Variants in GAPVD1 observed in about 807,000 individuals in gnomAD.
GAPVD1 encodes the protein GTPase-activating protein and VPS9 domain-containing protein 1.
In GAPVD1, 35 loss-of-function variants were observed where a neutral mutation model predicts 155.5. The ratio of observed to expected loss-of-function variants is 0.23; its 90% CI spans 0.17 to 0.30. The LOEUF (loss-of-function observed/expected upper bound fraction) is 0.30. Ranked by LOEUF, GAPVD1 falls within the 10% of genes least tolerant of loss-of-function variation. The pLI, the probability that GAPVD1 is intolerant of heterozygous loss-of-function variation, is 1.00. For missense variants in GAPVD1, 1,429 were observed against 1,775.7 expected, an observed-to-expected ratio of 0.80 and a Z score of 3.51; for synonymous variants, 636 against 619.7, an observed-to-expected ratio of 1.03 and a Z score of -0.39.
At chr9:125,311,796 T>G (rs1330528207) in intron 8 of GAPVD1, among the ~76,000 whole-genome samples, 1 of 151,972 alleles carries the variant, frequency 6.6e-6, no homozygotes, top group East Asian at 1.9e-4. Context: ...CTTGGCCCAC[T>G]TCAGTCTCCG....
intron 2 of GAPVD1, among the ~76,000 whole-genome samples, chr9:125,291,051 C>T (rs1443113983): frequency 6.6e-6 from 1 of 150,942 alleles, no homozygotes; most frequent in African/African-American, 2.4e-5. Context: ...CTTTGGGAGG[C>T]CAAGGCAAGA....
chr9:125,344,707 C>T (rs780533358), intron 19 of GAPVD1, among the ~76,000 whole-genome samples: 1 of 151,154 alleles, frequency 6.6e-6, no homozygotes, highest in African/African-American at 2.4e-5. Flanking sequence ...TTTTGGGAGG[C>T]CAAAGTGAGA....
At chr9:125,320,784 C>G (rs978095428) in intron 9 of GAPVD1, among the ~76,000 whole-genome samples, 12 of 151,930 alleles carry the variant, frequency 7.9e-5, no homozygotes, top group African/African-American at 2.7e-4. Flanking sequence ...CACCACCAAG[C>G]CCGGCTAATT....
At chr9:125,295,330 A>T (rs1235617051) in intron 2 of GAPVD1, 128 bp from the exon 3 acceptor site, 1 of 151,468 alleles carries the variant, frequency 6.6e-6, no homozygotes, top group African/African-American at 2.4e-5. Context: ...TATTTAAGCT[A>T]TTCCTGGTGA....
At position 125,302,532 on chromosome 9, in the gene GAPVD1, A is replaced by G. The variant is rs1841066865; in HGVS notation, c.735A>G (p.Gln245=). 3 of 1,613,940 alleles carry G rather than the reference A, an allele frequency of 1.9e-6. No individual in the cohort carries two copies. The highest frequency in any genetic ancestry group is 2.5e-6 in the Non-Finnish European group (3 of 1,179,976). Residue 245 remains glutamine, a synonymous_variant, in exon 5 of 28, where the codon CAA becomes CAG. Coordinates refer to ENST00000297933, the MANE Select transcript of GAPVD1 (RefSeq NM_001282680.3). ...FGEKGSDRFR[Q]KVQEMVESNE... is the part of the protein sequence containing the mutation. ...AGAAGGGCTCAGATAGATTCAGGCA[A>G]AAAGTTCAAGAAATGGTGGAGTCCA...
chr9:125,342,158 G>C, intron 18 of GAPVD1, 61 bp from the exon 19 acceptor site: 1 of 805,422 alleles, frequency 1.2e-6, no homozygotes, highest in South Asian at 1.5e-5. Context: ...TGGCACACCA[G>C]TTAACTTCCG....
intron 19 of GAPVD1, among the ~76,000 whole-genome samples, chr9:125,344,389 C>T (rs1270435777): frequency 6.6e-6 from 1 of 152,132 alleles, no homozygotes; most frequent in Non-Finnish European, 1.5e-5. Context: ...TTTTTATTAG[C>T]TATAAAATAA....
At position 125,329,484 on chromosome 9, in the gene GAPVD1, C is replaced by T. The variant is rs948842220; in HGVS notation, c.2033-594C>T. On this transcript the variant is annotated intron_variant, in intron 12 of 27. Coordinates refer to ENST00000297933, the MANE Select transcript of GAPVD1 (RefSeq NM_001282680.3). Reference sequence around the variant, plus strand: ...CTTGACTTAATGATGTGTGTTTTCTCTATGGAGAGTCAAAGGTGAACTGGA... The same window carrying T: ...CTTGACTTAATGATGTGTGTTTTCTTTATGGAGAGTCAAAGGTGAACTGGA... Among the ~76,000 whole-genome samples the T allele has an allele frequency of 6.6e-5, 10 of 152,260 alleles. 1 individual carries two copies. In the East Asian group the frequency reaches 1.9e-3, roughly 29 times the overall value.
chr9:125,275,779 C>G (rs1032916378), intron 2 of GAPVD1, among the ~76,000 whole-genome samples: 6 of 152,010 alleles, frequency 3.9e-5, no homozygotes, highest in Non-Finnish European at 7.4e-5. Context: ...AAAAGACAAT[C>G]TTGTTTAACA....
At chr9:125,279,964 G>C (rs1422005796) in intron 2 of GAPVD1, among the ~76,000 whole-genome samples, 1 of 150,800 alleles carries the variant, frequency 6.6e-6, no homozygotes, top group East Asian at 2.0e-4. Flanking sequence ...GTTTCACCAT[G>C]TTGGCCAGGC....
Position 125,359,508 on chromosome 9 carries a change from A to G in GAPVD1, c.4044+16A>G. On this transcript the variant is annotated intron_variant, in intron 26 of 27. Transcript: ENST00000297933. ...GATACCAGAGGTAATACAGGTTTAT[A>G]TAGCATGGGTAATGTTAACTAAATG... The G allele has an allele frequency of 7.9e-7, 1 of 1,260,818 alleles. No individual in the cohort carries two copies. The highest frequency in any genetic ancestry group is 1.2e-6 in the Non-Finnish European group (1 of 857,726). 78.1% of individuals were successfully genotyped at this position (1,260,818 alleles called of 1,614,324 possible). A position where few individuals can be genotyped will look rare whatever the true frequency, so the allele number is the denominator to read the frequency against.
Position 125,284,180 on chromosome 9 carries a change from C to CTTTT in GAPVD1, c.-149-11260_-149-11257dup, listed in dbSNP as rs34335675. On this transcript the variant is annotated intron_variant, in intron 2 of 27. Transcript: ENST00000297933. ...CGTGAGTCACTGAGCCCCGCCAGAA[C>CTTTT]TTTTTTTTTTTTTTTTTTTTTGAGA... is the stretch of plus-strand genomic sequence containing the variant. Among the ~76,000 whole-genome samples, 17 of 92,636 alleles carry CTTTT rather than the reference C, an allele frequency of 1.8e-4. 1 individual carries two copies. The highest frequency in any genetic ancestry group is 4.2e-4 in the African/African-American group (9 of 21,614). The allele number at this position is 92,636 out of a possible 152,430, so 60.8% of individuals were successfully genotyped here. A position where few individuals can be genotyped will look rare whatever the true frequency, so the allele number is the denominator to read the frequency against.
intron 8 of GAPVD1, among the ~76,000 whole-genome samples, chr9:125,310,457 C>G (rs1253498916): frequency 2.0e-5 from 3 of 151,732 alleles, no homozygotes; most frequent in Non-Finnish European, 2.9e-5. Context: ...TATTTTGTAC[C>G]AAAACATAAT....
In GAPVD1 at chr9:125,263,776, T is replaced by G. The variant is rs892524267; in HGVS notation, c.-199+1817T>G. 3.1e-6 allele frequency: 3 copies of G among 972,534 alleles called. No homozygotes were observed. In the African/African-American group the frequency reaches 4.7e-5, roughly 15 times the overall value. 60.2% of individuals were successfully genotyped at this position (972,534 alleles called of 1,614,324 possible). On this transcript the variant is annotated intron_variant, in intron 1 of 27. Coordinates refer to ENST00000297933, the MANE Select transcript of GAPVD1 (RefSeq NM_001282680.3). ...TGTGAGTCTCGCAGGTCACTCACCC[T>G]CCAGACCTTTAGGCTGAGGCCTGCC...
intron 21 of GAPVD1, 94 bp from the exon 22 acceptor site, chr9:125,350,201 A>G: frequency 2.8e-6 from 2 of 720,748 alleles, no homozygotes; most frequent in Non-Finnish European, 4.6e-6. Flanking sequence ...GAAACATTTG[A>G]GTCCTAAGGT....
chr9:125,322,638 T>A (rs1408815045), intron 10 of GAPVD1, among the ~76,000 whole-genome samples: 3 of 152,058 alleles, frequency 2.0e-5, no homozygotes, highest in African/African-American at 7.3e-5. Flanking sequence ...CCCTTTGTAA[T>A]TTAACATTCT....
intron 1 of GAPVD1, among the ~76,000 whole-genome samples, chr9:125,265,038 A>G (rs1289446987): frequency 6.6e-6 from 1 of 152,132 alleles, no homozygotes. Flanking sequence ...TTTTTAAAAG[A>G]CAAAAAATTA....
chr9:125,325,421 C>T (rs1298229387), intron 11 of GAPVD1, among the ~76,000 whole-genome samples: 1 of 147,534 alleles, frequency 6.8e-6, no homozygotes, highest in African/African-American at 2.5e-5. Context: ...ACTCGGGAGG[C>T]TGAGGCAGGA....
chr9:125,275,944 C>G (rs909000800), intron 2 of GAPVD1, among the ~76,000 whole-genome samples: 13 of 152,252 alleles, frequency 8.5e-5, no homozygotes, highest in Middle Eastern at 6.8e-3. Context: ...AAAATCCGAG[C>G]TTAACCCACA....
Sources: gnomAD v4.1 joint callset for allele counts (sites outside exome capture counted in the v4.1 genomes callset) on GRCh38, gnomAD v4.1.1 for gene constraint, MANE v1.5 for transcripts, NCBI Gene and HGNC (gene_info 2026-07-23, HGNC 2026-07-21) for gene names.